Variants in NUP188 observed in about 807,000 individuals in gnomAD.
NUP188 encodes nucleoporin NUP188.
A neutral mutation model predicts 223.0 loss-of-function variants in NUP188; 97 were observed. The observed-to-expected ratio is 0.43, with a 90% CI of 0.37 to 0.51. NUP188 has a LOEUF of 0.51. Among genes scored for constraint, NUP188 ranks in the 20% least tolerant of loss-of-function variants. NUP188 has a pLI of 0.00. For missense variants in NUP188, 1,947 were observed against 2,175.6 expected (o/e 0.89, Z 2.09); for synonymous variants, 869 against 828.0 (o/e 1.05, Z -0.85).
intron 3 of NUP188, among the ~76,000 whole-genome samples, chr9:128,955,169 C>T (rs1284304514): frequency 6.6e-6 from 1 of 151,998 alleles, no homozygotes; most frequent in Non-Finnish European, 1.5e-5. Context: ...CTTCTTACCA[C>T]ATCATAGCAG....
At chr9:128,983,112 C>G (rs1164354855) in intron 17 of NUP188, 84 bp downstream of exon 17, 2 of 1,558,974 alleles carry the variant, frequency 1.3e-6, no homozygotes. Context: ...TGGACACATA[C>G]CCACTGGGTT....
intron 19 of NUP188, 75 bp from the exon 20 acceptor site, chr9:128,984,825 A>G (rs1842309502): frequency 3.1e-6 from 3 of 960,864 alleles, no homozygotes; most frequent in East Asian, 2.4e-5. Flanking sequence ...GACTATAACA[A>G]GAATGCTCTA....
chr9:128,955,031 A>T (rs1215756371), intron 3 of NUP188, among the ~76,000 whole-genome samples: 1 of 151,624 alleles, frequency 6.6e-6, no homozygotes, highest in Non-Finnish European at 1.5e-5. Context: ...TTGTATTTTT[A>T]GTAGAGACAG....
chr9:129,003,614 TA>T (rs1225192854), intron 38 of NUP188, 160 bp downstream of exon 38: 3 of 856,950 alleles, frequency 3.5e-6, no homozygotes, highest in Non-Finnish European at 5.8e-6. Context: ...TTACTCTGGC[TA>T]AATGTTTCCT....
At chr9:128,991,162 C>CTTT (rs78549616) in intron 25 of NUP188, among the ~76,000 whole-genome samples, 4 of 123,476 alleles carry the variant, frequency 3.2e-5, no homozygotes, top group Admixed American at 8.4e-5. Flanking sequence ...CTCCAGATTT[C>CTTT]TTTTTTTTTT....
chr9:128,985,080 A>G, intron 20 of NUP188, 66 bp downstream of exon 20: 4 of 1,149,026 alleles, frequency 3.5e-6, no homozygotes, highest in Non-Finnish European at 3.9e-6. Flanking sequence ...GATGACTCTG[A>G]AATAGTTTCC....
Position 128,973,236 on chromosome 9 carries a change from TG to T in NUP188, c.1193del (p.Gly398AlafsTer6). 6.2e-7 allele frequency: 1 copy of T among 1,613,040 alleles called. No homozygotes were observed. On this transcript the variant is annotated frameshift_variant, in exon 12 of 44. Coordinates refer to ENST00000372577, the MANE Select transcript of NUP188 (RefSeq NM_015354.3). LOFTEE classifies it high-confidence loss of function. ...CTGACCTCGTTGGAGCTGCACACCC[TG>T]GGCAATCAGCAGGTCAGTGTCTGGC... ...FVLTSLELHTLGNQQDIIDTA... is the reference protein window; with the variant it reads ...FVLTSLELHTXGNQQDIIDTA...
chr9:128,952,658 G>T (rs1841808385), intron 2 of NUP188, 115 bp from the exon 3 acceptor site: 2 of 735,970 alleles, frequency 2.7e-6, no homozygotes, highest in Middle Eastern at 5.1e-4. Context: ...GGGAGGCGGA[G>T]GTTGCAGTCA....
chr9:128,996,182 C>T (rs1210785145), intron 30 of NUP188, among the ~76,000 whole-genome samples: 4 of 150,648 alleles, frequency 2.7e-5, no homozygotes, highest in Non-Finnish European at 4.4e-5. Flanking sequence ...CGGAGTCTTG[C>T]TCCGTCACCC....
chr9:129,005,162 T>C lies in NUP188; in HGVS notation c.4450T>C (p.Leu1484=). 4 of 1,614,048 alleles carry C rather than the reference T, an allele frequency of 2.5e-6. No individual in the cohort carries two copies. The highest frequency in any genetic ancestry group is 3.4e-6 in the Non-Finnish European group (4 of 1,179,912). ...TCTCTCCCAGGTCAACCTGGGTTAC[T>C]TGTGCCAGGCATGTACCTCTCTCCT... ...MRDIQVNLGY[L]CQACTSLLHS... The change falls in exon 39 of 44, where the codon TTG becomes CTG. Residue 1484 remains leucine, a synonymous_variant. Transcript: ENST00000372577.
chr9:128,954,315 C>T (rs541743698), intron 3 of NUP188, among the ~76,000 whole-genome samples: 4 of 146,944 alleles, frequency 2.7e-5, no homozygotes, highest in East Asian at 2.1e-4. Context: ...CCCGGGTTCA[C>T]GCCATTCTCC....
In NUP188 at chr9:128,984,124, A is replaced by ATTTTTTTTTTTTTTTTTTTTTTTTTT. The variant is rs1193631566; in HGVS notation, c.1961+593_1961+594insTTTTTTTTTTTTTTTTTTTTTTTTTT. 3.3e-4 allele frequency among the ~76,000 whole-genome samples: 31 copies of ATTTTTTTTTTTTTTTTTTTTTTTTTT among 93,022 alleles called. 2 individuals carry two copies. Among genetic ancestry groups the ATTTTTTTTTTTTTTTTTTTTTTTTTT allele is most frequent in the South Asian group, 1.1e-3 (3 of 2,774 alleles). The allele number at this position is 93,022 out of a possible 152,430, so 61.0% of individuals were successfully genotyped here. ...GGCGTGAGCCACCGCGCCTGGCCTG[A>ATTTTTTTTTTTTTTTTTTTTTTTTTT]TTTTTTTTTTTTTTTTTTTGAGATG... On this transcript the variant is annotated intron_variant, in intron 19 of 43. Transcript: ENST00000372577.
intron 34 of NUP188, among the ~76,000 whole-genome samples, chr9:129,000,739 G>A (rs764587374): frequency 3.3e-5 from 5 of 151,866 alleles, no homozygotes; most frequent in Non-Finnish European, 7.4e-5. Context: ...TGAGGATACA[G>A]TCTAAAAAGT....
intron 2 of NUP188, 59 bp from the exon 3 acceptor site, chr9:128,952,714 C>T (rs1450402275): frequency 2.1e-6 from 3 of 1,452,486 alleles, no homozygotes; most frequent in African/African-American, 2.8e-5. Context: ...TAGAGTGAGA[C>T]TCTGTCTCAA....
Position 128,986,594 on chromosome 9 carries a change from CCCTGTGTAA to C in NUP188, c.2114_2122del (p.Pro705_Met708delinsLeu). 6.2e-7 allele frequency: 1 copy of C among 1,614,096 alleles called. No homozygotes were observed. The highest frequency in any genetic ancestry group is 8.5e-7 in the Non-Finnish European group (1 of 1,179,992). The stretch of plus-strand genomic sequence containing the variant: ...TAGTACCCAGAGCCAAGGACTTGTA[CCCTGTGTAA>C]TGTTTGTGCTGAAGGAGATGCTTCC... On this transcript the variant is annotated inframe_deletion, in exon 21 of 44. Coordinates refer to ENST00000372577, the MANE Select transcript of NUP188 (RefSeq NM_015354.3).
At chr9:128,967,860 C>T (rs1239141857) in intron 8 of NUP188, among the ~76,000 whole-genome samples, 1 of 151,992 alleles carries the variant, frequency 6.6e-6, no homozygotes, top group Non-Finnish European at 1.5e-5. Context: ...ACTTGGGTGG[C>T]TGAGGCAGGA....
At chr9:128,973,473 C>T (rs1842130362) in intron 12 of NUP188, among the ~76,000 whole-genome samples, 1 of 152,100 alleles carries the variant, frequency 6.6e-6, no homozygotes, top group Non-Finnish European at 1.5e-5. Flanking sequence ...GCGTCCGCCT[C>T]CTGGGTTCGA....
chr9:128,980,821 C>A, intron 14 of NUP188, 96 bp downstream of exon 14: 1 of 1,309,582 alleles, frequency 7.6e-7, no homozygotes, highest in Non-Finnish European at 1.1e-6. Context: ...AGTTCTACTG[C>A]CATGACAAAA....
In NUP188 at chr9:128,947,952, G is replaced by A. The variant is rs995057985; in HGVS notation, c.32+201G>A. 9 of 409,168 alleles carry A rather than the reference G, an allele frequency of 2.2e-5. No individual in the cohort carries two copies. The South Asian group carries it at 8.7e-4, about 40-fold the overall frequency. 25.3% of individuals were successfully genotyped at this position (409,168 alleles called of 1,614,324 possible). On this transcript the variant is annotated intron_variant, in intron 1 of 43. Transcript: ENST00000372577. ...TCTGAAGAGTCTTCTTCAGGAGGGG[G>A]GCCGGCTCTTCACCCCTTCCCTCCG...
Sources: gnomAD v4.1 joint callset for allele counts (sites outside exome capture counted in the v4.1 genomes callset) on GRCh38, gnomAD v4.1.1 for gene constraint, MANE v1.5 for transcripts, NCBI Gene and HGNC (gene_info 2026-07-23, HGNC 2026-07-21) for gene names.